The following KLF13 variants were observed in gnomAD, a reference collection of about 807,000 sequenced individuals.
KLF13 encodes Krueppel-like factor 13.
KLF13 carries 8 observed loss-of-function variants against 16.7 expected under a neutral mutation model. The observed-to-expected ratio is 0.48, with a 90% CI of 0.28 to 0.87. The LOEUF is 0.87. KLF13 is among the 40% of genes least tolerant of loss of function. The pLI, the probability that KLF13 is intolerant of heterozygous loss-of-function variation, is 0.10. For synonymous variants in KLF13, 245 were observed against 208.4 expected (o/e 1.18, Z -1.51); for missense variants, 447 against 452.2 (o/e 0.99, Z 0.10).
chr15:31,388,323 A>G (rs2039816422), upstream of KLF13, among the ~76,000 whole-genome samples: 1 of 152,130 alleles, frequency 6.6e-6, no homozygotes, highest in South Asian at 2.1e-4. Context: ...TAAAAATGAA[A>G]CAGAAAGGCT....
chr15:31,338,307 C>T (rs1424545850), intron 1 of KLF13, among the ~76,000 whole-genome samples: 3 of 152,038 alleles, frequency 2.0e-5, no homozygotes, highest in East Asian at 1.9e-4. Context: ...AGTGTGTGCA[C>T]GTGTATGTGT....
intron 2 of KLF13, among the ~76,000 whole-genome samples, chr15:31,402,984 C>T (rs192162313): frequency 7.9e-5 from 12 of 152,322 alleles, no homozygotes; most frequent in Admixed American, 5.9e-4. Context: ...ACGCACAGGG[C>T]CAGGTCCCTT....
At chr15:31,350,463 G>T (rs1361597839) in intron 1 of KLF13, among the ~76,000 whole-genome samples, 1 of 152,170 alleles carries the variant, frequency 6.6e-6, no homozygotes, top group Non-Finnish European at 1.5e-5. Flanking sequence ...TGTGGTTCTG[G>T]GCAAGGATGC....
At chr15:31,357,458 G>T (rs2039317484) in intron 1 of KLF13, among the ~76,000 whole-genome samples, 2 of 152,244 alleles carry the variant, frequency 1.3e-5, no homozygotes, top group African/African-American at 4.8e-5. Flanking sequence ...CTCAGCGACG[G>T]TGGCCTCCTG....
intron 2 of KLF13, among the ~76,000 whole-genome samples, chr15:31,397,565 A>C (rs1044378247): frequency 3.3e-5 from 5 of 152,238 alleles, no homozygotes; most frequent in African/African-American, 9.6e-5. Context: ...CTTTGGGGTC[A>C]GGGCTGCCTC....
Position 31,372,135 on chromosome 15 carries a change from C to T in KLF13, c.703C>T (p.Arg235Cys), listed in dbSNP as rs147413291. 1.2e-6 allele frequency: 2 copies of T among 1,612,926 alleles called. No homozygotes were observed. Among genetic ancestry groups the T allele is most frequent in the Non-Finnish European group, 1.7e-6 (2 of 1,179,972 alleles). ...KKFSCPICEK[R>C]FMRSDHLTKH... ...GTTCAGCTGCCCCATCTGCGAGAAG[C>T]GCTTCATGCGCAGCGACCACCTGAC... The change falls in exon 2 of 2, where the codon CGC becomes TGC. Residue 235 changes from arginine (R) to cysteine (C), a missense_variant. Physicochemically the swap from Arg to Cys is radical, Grantham distance 180. Transcript: ENST00000307145.
At chr15:31,384,797 C>T (rs2039774383) in intron 1 of KLF13, among the ~76,000 whole-genome samples, 1 of 152,142 alleles carries the variant, frequency 6.6e-6, no homozygotes, top group Non-Finnish European at 1.5e-5. Context: ...CCCAAAGTCA[C>T]CCAAAAACCA....
intron 1 of KLF13, among the ~76,000 whole-genome samples, chr15:31,349,708 T>C: frequency 6.6e-6 from 1 of 152,192 alleles, no homozygotes; most frequent in East Asian, 1.9e-4. Context: ...GGGCCAAGCC[T>C]GTGCCCCTGT....
intron 1 of KLF13, among the ~76,000 whole-genome samples, chr15:31,424,744 A>G (rs904473233): frequency 3.9e-5 from 6 of 152,174 alleles, no homozygotes; most frequent in South Asian, 2.1e-4. Flanking sequence ...TGCCACTTCT[A>G]TTCAACATAG....
At chr15:31,416,905 T>C (rs560646452) in intron 1 of KLF13, among the ~76,000 whole-genome samples, 10 of 152,344 alleles carry the variant, frequency 6.6e-5, no homozygotes, top group Admixed American at 1.3e-4. Context: ...GTTGGAAACT[T>C]ACTCCCCAAT....
intron 1 of KLF13, among the ~76,000 whole-genome samples, chr15:31,346,324 C>T (rs951893493): frequency 6.6e-6 from 1 of 152,262 alleles, no homozygotes; most frequent in African/African-American, 2.4e-5. Flanking sequence ...GCCCTGGCCA[C>T]AGGCCTGAGC....
At chr15:31,337,731 T>G (rs537829424) in intron 1 of KLF13, among the ~76,000 whole-genome samples, 1 of 152,274 alleles carries the variant, frequency 6.6e-6, no homozygotes, top group Middle Eastern at 3.4e-3. Flanking sequence ...AAAGGTACAA[T>G]TAAAATGGGG....
intron 1 of KLF13, among the ~76,000 whole-genome samples, chr15:31,338,826 C>A (rs1278567076): frequency 6.6e-6 from 1 of 152,148 alleles, no homozygotes; most frequent in Non-Finnish European, 1.5e-5. Context: ...CCCATTCTCA[C>A]TTCCTCTACT....
intron 1 of KLF13, among the ~76,000 whole-genome samples, chr15:31,432,259 G>A (rs2040481664): frequency 1.3e-5 from 2 of 151,928 alleles, no homozygotes; most frequent in South Asian, 2.1e-4. Context: ...CTTCCTGACC[G>A]CCTCTCTCTG....
chr15:31,422,702 A>G (rs897741583), intron 1 of KLF13, among the ~76,000 whole-genome samples: 1 of 152,140 alleles, frequency 6.6e-6, no homozygotes, highest in African/African-American at 2.4e-5. Context: ...TAAGACAAAA[A>G]CTGTCACAAG....
chr15:31,399,863 C>T (rs959435264), intron 2 of KLF13, among the ~76,000 whole-genome samples: 1 of 152,242 alleles, frequency 6.6e-6, no homozygotes, highest in Non-Finnish European at 1.5e-5. Flanking sequence ...CTCTGGGCTC[C>T]GGGGCTTCTG....
chr15:31,338,282 A>G (rs1405210936), intron 1 of KLF13, among the ~76,000 whole-genome samples: 1 of 152,196 alleles, frequency 6.6e-6, no homozygotes, highest in Non-Finnish European at 1.5e-5. Flanking sequence ...GCCTTGGAAG[A>G]TGGACATTTA....
chr15:31,358,526 GT>G (rs2039335001), intron 1 of KLF13, among the ~76,000 whole-genome samples: 1 of 152,186 alleles, frequency 6.6e-6, no homozygotes, highest in Non-Finnish European at 1.5e-5. Context: ...TTTTCACACA[GT>G]TGTTTACCAT....
intron 1 of KLF13, among the ~76,000 whole-genome samples, chr15:31,364,680 C>T (rs1004993266): frequency 2.1e-4 from 32 of 152,368 alleles, no homozygotes; most frequent in African/African-American, 7.5e-4. Context: ...TTCCTTGCCC[C>T]AGGCAGGTTC....
Sources: gnomAD v4.1 joint callset for allele counts (sites outside exome capture counted in the v4.1 genomes callset) on GRCh38, gnomAD v4.1.1 for gene constraint, MANE v1.5 for transcripts, NCBI Gene and HGNC (gene_info 2026-07-23, HGNC 2026-07-21) for gene names.